The following SLC23A3 variants were observed in gnomAD, a reference collection of about 807,000 sequenced individuals.
The protein encoded by SLC23A3 is E2-binding protein 3.
Under a neutral mutation model 64.7 loss-of-function variants are expected in SLC23A3, and 41 were observed. The ratio of observed to expected loss-of-function variants is 0.63; its 90% CI spans 0.49 to 0.82. SLC23A3 has a LOEUF of 0.82. Among genes scored for constraint, SLC23A3 ranks in the 40% least tolerant of loss-of-function variants. SLC23A3 has a pLI of 0.00. For missense variants in SLC23A3, 647 were observed against 733.4 expected (o/e 0.88, Z 1.36); for synonymous variants, 281 against 306.8 (o/e 0.92, Z 0.88).
intron 7 of SLC23A3, among the ~76,000 whole-genome samples, chr2:219,166,386 G>A (rs553492098): frequency 2.6e-5 from 4 of 151,840 alleles, no homozygotes; most frequent in East Asian, 1.9e-4. Flanking sequence ...TAATAGAGAC[G>A]AGGTCTCACT....
rs767900696 is a variant in SLC23A3, at chr2:219,168,127, A to G, written c.798+68T>C. On this transcript the variant is annotated intron_variant, in intron 6 of 11. Transcript: ENST00000409878. ...CAGGGGTAGACAGAAGCCAAAAGGTAGGGGATGGAGTGAGCACTCCAGGCC... is the reference window on the plus strand; with the variant it reads ...CAGGGGTAGACAGAAGCCAAAAGGTGGGGGATGGAGTGAGCACTCCAGGCC... The G allele has an allele frequency of 1.1e-5, 18 of 1,583,732 alleles. No homozygotes were observed. The East Asian group carries it at 1.6e-4, about 14-fold the overall frequency.
At chr2:219,165,622 T>G (rs1395868950) in intron 7 of SLC23A3, among the ~76,000 whole-genome samples, 200 bp from the exon 8 acceptor site, 1 of 152,238 alleles carries the variant, frequency 6.6e-6, no homozygotes, top group African/African-American at 2.4e-5. Context: ...GGCCCTTCCC[T>G]CTCTCTGCAG....
rs749167266 is a variant in SLC23A3, at chr2:219,169,496, C to T, written c.320+25G>A. 138 of 1,613,770 alleles carry T rather than the reference C, an allele frequency of 8.6e-5. No homozygotes were observed. Among genetic ancestry groups the T allele is most frequent in the Non-Finnish European group, 1.1e-4 (132 of 1,179,868 alleles). ...TCTCCTACCCTCCAGGACTCTGCCC[C>T]TCTCTCCAGGGAGGTTCCTCTCACC... On this transcript the variant is annotated intron_variant, in intron 2 of 11. Transcript: ENST00000409878. The surrounding 1 kb of genome is among the most constrained non-coding windows in gnomAD (Gnocchi z 4.5).
Position 219,169,017 on chromosome 2 carries a change from C to T in SLC23A3, c.492+12G>A. The T allele has an allele frequency of 6.2e-7, 1 of 1,612,744 alleles. No individual in the cohort carries two copies. Among genetic ancestry groups the T allele is most frequent in the Non-Finnish European group, 8.5e-7 (1 of 1,178,772 alleles). The stretch of plus-strand genomic sequence containing the variant: ...GCACCACCCTTATCCCTTCTCACCT[C>T]CAGATACCCACCTCCTGGAGAGAAG... On this transcript the variant is annotated intron_variant, in intron 4 of 11. Transcript: ENST00000409878. This position sits in a 1 kb window ranked among gnomAD's most constrained non-coding sequence, Gnocchi z 4.5.
At position 219,169,946 on chromosome 2, in the gene SLC23A3, T is replaced by C. The variant is rs1470971007; in HGVS notation, c.39A>G (p.Ser13=). The change falls in exon 1 of 12, where the codon TCA becomes TCG. Residue 13 remains serine, a synonymous_variant. Coordinates refer to ENST00000409878, the MANE Select transcript of SLC23A3 (RefSeq NM_001144889.2). The surrounding 1 kb of genome is among the most constrained non-coding windows in gnomAD (Gnocchi z 4.5). ...RSPLNPSQLR[S]VGSQDALAPL... ...GGGCCAGGGCATCCTGGGAGCCCACTGATCGGAGTTGGCTGGGATTGAGGG... is the reference window on the plus strand; with the variant it reads ...GGGCCAGGGCATCCTGGGAGCCCACCGATCGGAGTTGGCTGGGATTGAGGG... 2 of 1,614,032 alleles carry C rather than the reference T, an allele frequency of 1.2e-6. No homozygotes were observed. Among genetic ancestry groups the C allele is most frequent in the South Asian group, 1.1e-5 (1 of 91,084 alleles).
In SLC23A3 at chr2:219,162,172, G is replaced by C. The variant is rs767951814; in HGVS notation, c.1570C>G (p.Leu524Val). 1 of 1,612,092 alleles carries C rather than the reference G, an allele frequency of 6.2e-7. No individual in the cohort carries two copies. The highest frequency in any genetic ancestry group is 2.2e-5 in the East Asian group (1 of 44,808). ...TQLERGLGQG[L>V]PSPFTAQEAR... is the part of the protein sequence containing the mutation. Reference sequence around the variant, plus strand: ...TCTTGGGCAGTGAAAGGAGATGGTAGCCCTTGACCTAGGCCTCGCTCAAGC... The same window carrying C: ...TCTTGGGCAGTGAAAGGAGATGGTACCCCTTGACCTAGGCCTCGCTCAAGC... The change falls in exon 12 of 12, where the codon CTA (leucine) becomes GTA (valine). Residue 524 changes from leucine to valine, a missense_variant. Coordinates refer to ENST00000409878, the MANE Select transcript of SLC23A3 (RefSeq NM_001144889.2).
Position 219,163,428 on chromosome 2 carries a change from C to A in SLC23A3, c.1401G>T (p.Leu467=). 2 of 1,614,214 alleles carry A rather than the reference C, an allele frequency of 1.2e-6. No individual in the cohort carries two copies. Among genetic ancestry groups the A allele is most frequent in the Non-Finnish European group, 1.7e-6 (2 of 1,180,050 alleles). Residue 467 remains leucine, a synonymous_variant, in exon 10 of 12, where the codon CTG becomes CTT. Coordinates refer to ENST00000409878, the MANE Select transcript of SLC23A3 (RefSeq NM_001144889.2). ...VGFSIFMALL[L]PRWFREAPVL... ...CTGGGGCTTCCCGAAACCATCTTGG[C>A]AGCAGCAAGGCCATGAAGATGGAGA...
In SLC23A3 at chr2:219,162,332, G is replaced by A; in HGVS notation, c.1504C>T (p.Leu502Phe). ...LLTQPIFLAGLSGFLLENTIP... is the reference protein window; with the variant it reads ...LLTQPIFLAGFSGFLLENTIP... ...GTGTTCTCTAGTAGGAAGCCTGAGA[G>A]TCCAGCCAGGAAGATGGGCTGTGTC... The change falls in exon 11 of 12, where the codon CTC becomes TTC. Residue 502 changes from leucine to phenylalanine, a missense_variant. Coordinates refer to ENST00000409878, the MANE Select transcript of SLC23A3 (RefSeq NM_001144889.2). 1 of 1,614,142 alleles carries A rather than the reference G, an allele frequency of 6.2e-7. No individual in the cohort carries two copies. Among genetic ancestry groups the A allele is most frequent in the South Asian group, 1.1e-5 (1 of 91,080 alleles).
chr2:219,168,771 G>T lies in SLC23A3; in HGVS notation c.555C>A (p.Pro185=). ...GCCCACAGTGGGGGAACACGTGGCC[G>T]GGACTCCCCAGCAGCCCCATCATGC... ...LQGMMGLLGS[P]GHVFPHCGPL... Residue 185 remains proline, a synonymous_variant, in exon 5 of 12, where the codon CCC becomes CCA. Coordinates refer to ENST00000409878, the MANE Select transcript of SLC23A3 (RefSeq NM_001144889.2). 6.2e-7 allele frequency: 1 copy of T among 1,610,484 alleles called. No homozygotes were observed. The highest frequency in any genetic ancestry group is 8.5e-7 in the Non-Finnish European group (1 of 1,178,196).
rs1482023755 is a variant in SLC23A3, at chr2:219,165,374, A to G, written c.962T>C (p.Ile321Thr). 1 of 1,551,204 alleles carries G rather than the reference A, an allele frequency of 6.4e-7. No homozygotes were observed. The highest frequency in any genetic ancestry group is 1.2e-5 in the South Asian group (1 of 84,038). Residue 321 changes from isoleucine (I) to threonine (T), a missense_variant, in exon 8 of 12, where the codon ATC (isoleucine) becomes ACC (threonine). Ile to Thr is a moderately conservative substitution (Grantham distance 89). Transcript: ENST00000409878. ...GGTGGAGGCTGCCAAGGCCATGGAG[A>G]TGCCTGCAGCCAGAGCTCTGGGCGT... Reference protein sequence around the residue: ...LLTPRALAAGISMALAASTSS... With the variant: ...LLTPRALAAGTSMALAASTSS...
In SLC23A3 at chr2:219,162,163, G is replaced by C. The variant is rs1423403953; in HGVS notation, c.1579C>G (p.Pro527Ala). The C allele has an allele frequency of 2.5e-6, 4 of 1,613,140 alleles. No homozygotes were observed. In the Admixed American group the frequency reaches 6.7e-5, roughly 27 times the overall value. Residue 527 changes from proline (P) to alanine (A), a missense_variant, in exon 12 of 12, where the codon CCT (proline) becomes GCT (alanine). Transcript: ENST00000409878. Reference protein sequence around the residue: ...ERGLGQGLPSPFTAQEARMPQ... With the variant: ...ERGLGQGLPSAFTAQEARMPQ... ...ATTCGAGCCTCTTGGGCAGTGAAAG[G>C]AGATGGTAGCCCTTGACCTAGGCCT...
In SLC23A3 at chr2:219,162,397, A is replaced by G. The variant is rs748949118; in HGVS notation, c.1442-3T>C. The G allele has an allele frequency of 1.2e-6, 2 of 1,612,098 alleles. No individual in the cohort carries two copies. Among genetic ancestry groups the G allele is most frequent in the South Asian group, 2.2e-5 (2 of 90,916 alleles). Reference sequence around the variant, plus strand: ...TAATACATCCAAGGGGCTCCAGCCTATGAAGAGTTGGGGCCAGGCAGGAAG... The same window carrying G: ...TAATACATCCAAGGGGCTCCAGCCTGTGAAGAGTTGGGGCCAGGCAGGAAG... On this transcript the variant is annotated splice_region_variant and splice_polypyrimidine_tract_variant and intron_variant, in intron 10 of 11. Coordinates refer to ENST00000409878, the MANE Select transcript of SLC23A3 (RefSeq NM_001144889.2).
chr2:219,163,311 G>A, intron 10 of SLC23A3, 77 bp downstream of exon 10: 1 of 1,423,938 alleles, frequency 7.0e-7, no homozygotes, highest in Non-Finnish European at 9.7e-7. Context: ...AGAAGGCTGT[G>A]GGGCCAGGAG....
intron 9 of SLC23A3, 130 bp downstream of exon 9, chr2:219,164,095 TATCCATCC>T: frequency 3.1e-6 from 2 of 642,276 alleles, no homozygotes; most frequent in Non-Finnish European, 2.8e-6. Flanking sequence ...CACATGCTCA[TATCCATCC>T]ATCCATCCAT....
chr2:219,169,761 C>T lies in SLC23A3; in HGVS notation c.162+62G>A. The stretch of plus-strand genomic sequence containing the variant: ...TTCCAGAGGCTTTCACATGCCACAT[C>T]TACACCTACTTCCCCACACACACCA... On this transcript the variant is annotated intron_variant, in intron 1 of 11. Transcript: ENST00000409878. This position sits in a 1 kb window ranked among gnomAD's most constrained non-coding sequence, Gnocchi z 4.5. The T allele has an allele frequency of 6.2e-7, 1 of 1,609,792 alleles. No homozygotes were observed. The highest frequency in any genetic ancestry group is 2.2e-5 in the East Asian group (1 of 44,832).
intron 8 of SLC23A3, chr2:219,164,905 C>G: frequency 2.0e-6 from 1 of 509,064 alleles, no homozygotes; most frequent in East Asian, 3.6e-5. Context: ...CTGCCTCTCC[C>G]TCTATGAAGT....
chr2:219,163,501 AAGCTGG>A lies in SLC23A3; in HGVS notation c.1322_1327del (p.Ser441_Ser442del). 1 of 1,614,192 alleles carries A rather than the reference AAGCTGG, an allele frequency of 6.2e-7. No homozygotes were observed. The highest frequency in any genetic ancestry group is 8.5e-7 in the Non-Finnish European group (1 of 1,180,042). On this transcript the variant is annotated inframe_deletion, in exon 10 of 12. Coordinates refer to ENST00000409878, the MANE Select transcript of SLC23A3 (RefSeq NM_001144889.2). ...CCCAGAGTCTATGTCAGCCAGGTAG[AAGCTGG>A]AGAATCCAGCAGACAAAACCACAGC... is the stretch of plus-strand genomic sequence containing the variant.
chr2:219,161,677 C>A lies in SLC23A3; in HGVS notation c.*232G>T. The A allele has an allele frequency of 2.4e-6, 1 of 424,528 alleles. No individual in the cohort carries two copies. The highest frequency in any genetic ancestry group is 3.4e-5 in the East Asian group (1 of 29,078). The allele number at this position is 424,528 out of a possible 1,614,324, so 26.3% of individuals were successfully genotyped here. A position where few individuals can be genotyped will look rare whatever the true frequency, so the allele number is the denominator to read the frequency against. ...TCAAGTGGCATTGATAGTACACAGG[C>A]AAAATCTCAATCATTCATGGTCCAC... On this transcript the variant is annotated 3_prime_UTR_variant, in exon 12 of 12. Transcript: ENST00000409878.
At position 219,168,029 on chromosome 2, in the gene SLC23A3, C is replaced by T; in HGVS notation, c.814G>A (p.Ala272Thr). 1.3e-6 allele frequency: 2 copies of T among 1,585,726 alleles called. No individual in the cohort carries two copies. Among genetic ancestry groups the T allele is most frequent in the South Asian group, 2.3e-5 (2 of 86,982 alleles). ...FRLLSVLIPV[A>T]CVWIVSAFVG... ...AAGGCAGAAACAATCCACACACAGG[C>T]CACTGGGATCAGCACCTGAGGGGCG... Residue 272 changes from alanine to threonine, a missense_variant, in exon 7 of 12, where the codon GCC (alanine) becomes ACC (threonine). Transcript: ENST00000409878.
Sources: allele counts gnomAD v4.1 joint callset (sites outside exome capture counted in the v4.1 genomes callset), GRCh38; gene constraint gnomAD v4.1.1; non-coding constraint Gnocchi (gnomAD v3.1); transcripts MANE v1.5; gene names NCBI Gene and HGNC (gene_info 2026-07-23, HGNC 2026-07-21).